Variants in RSRP1 observed in about 807,000 individuals in gnomAD.
RSRP1 encodes arginine and serine rich protein 1.
Under a neutral mutation model 33.0 loss-of-function variants are expected in RSRP1, and 37 were observed. The ratio of observed to expected loss-of-function variants is 1.12; its 90% CI spans 0.86 to 1.48. The LOEUF (loss-of-function observed/expected upper bound fraction) is 1.48, where lower values mean the gene tolerates loss of function less well. RSRP1 is among the 40% of genes most tolerant of loss of function. The probability of loss-of-function intolerance (pLI) is 0.00; values close to 1 mark genes in which losing one functional copy is unlikely to be tolerated. For missense variants in RSRP1, 402 were observed against 385.3 expected, an observed-to-expected ratio of 1.04 and a Z score of -0.36; for synonymous variants, 167 against 158.7, an observed-to-expected ratio of 1.05 and a Z score of -0.40.
rs112473736 is a variant in RSRP1, at chr1:25,290,554, A to AGAATGAATGAAT, written c.-66-43537_-66-43526dup. ...TAGGTGCCCAACAGTGTTTGTTGAA[A>AGAATGAATGAAT]GAATGAATGAATGAATGAATGAATG... On this transcript the variant is annotated intron_variant, in intron 1 of 1. Coordinates refer to the RSRP1 transcript ENST00000561867. 535 of 1,099,938 alleles carry AGAATGAATGAAT rather than the reference A, an allele frequency of 4.9e-4. 79 individuals carry two copies. In the African/African-American group the frequency reaches 5.5e-3, roughly 11 times the overall value. 68.1% of individuals were successfully genotyped at this position (1,099,938 alleles called of 1,614,324 possible).
rs187285534 is a variant in RSRP1 at position 25,247,310 on chromosome 1, G to A, written c.-68C>T. The A allele has an allele frequency of 1.1e-3, 301 of 272,428 alleles. 2 individuals carry two copies. Among genetic ancestry groups the A allele is most frequent in the East Asian group, 8.9e-3 (138 of 15,522 alleles). The allele number at this position is 272,428 out of a possible 1,614,324, so 16.9% of individuals were successfully genotyped here. A position where few individuals can be genotyped will look rare whatever the true frequency, so the allele number is the denominator to read the frequency against. On this transcript the variant is annotated splice_region_variant and 5_prime_UTR_variant, in exon 1 of 5. Coordinates refer to ENST00000243189, the MANE Select transcript of RSRP1 (RefSeq NM_020317.5). ...AGACCCCGTCAGCAGAAAACTTACC[G>A]CACGCCGTCGACGCCTCCCTCACGA...
chr1:25,298,034 C>T lies in RSRP1; in HGVS notation c.-67+39944G>A, dbSNP rs530416759. On this transcript the variant is annotated intron_variant, in intron 1 of 1. Coordinates refer to the RSRP1 transcript ENST00000561867. ...TTAGCGAAAAACGTGTCCCCTCCAC[C>T]CACCCATCCACCTCCACTTGTTCCT... is the stretch of plus-strand genomic sequence containing the variant. Among the ~76,000 whole-genome samples, 140 of 124,580 alleles carry T rather than the reference C, an allele frequency of 1.1e-3. 9 individuals carry two copies. The highest frequency in any genetic ancestry group is 0.011 in the Admixed American group (139 of 12,508). The allele number at this position is 124,580 out of a possible 152,430, so 81.7% of individuals were successfully genotyped here. A position where few individuals can be genotyped will look rare whatever the true frequency, so the allele number is the denominator to read the frequency against.
intron 1 of RSRP1, among the ~76,000 whole-genome samples, chr1:25,333,034 G>A (rs28622222): frequency 0.28 from 36,381 of 130,190 alleles, 10,431 homozygotes; most frequent in African/African-American, 0.34. Flanking sequence ...GGAAAGGCTG[G>A]TGTAGGTCCT....
Position 25,290,806 on chromosome 1 carries a change from T to C in RSRP1, c.-66-43777A>G, listed in dbSNP as rs202024797. 8.8e-5 allele frequency: 121 copies of C among 1,375,792 alleles called. 10 individuals carry two copies. In the African/African-American group the frequency reaches 1.4e-3, roughly 16 times the overall value. 85.2% of individuals were successfully genotyped at this position (1,375,792 alleles called of 1,614,324 possible). On this transcript the variant is annotated intron_variant, in intron 1 of 1. Coordinates refer to the RSRP1 transcript ENST00000561867. Reference sequence around the variant, plus strand: ...ATATCTTCAACGTGAGTCATGGTGCTGGGAGGAGGGACCTGGGAGAAAAGG... The same window carrying C: ...ATATCTTCAACGTGAGTCATGGTGCCGGGAGGAGGGACCTGGGAGAAAAGG...
At position 25,259,815 on chromosome 1, in the gene RSRP1, T is replaced by C. The variant is rs551447329; in HGVS notation, c.-66-12786A>G. Among the ~76,000 whole-genome samples the C allele has an allele frequency of 1.9e-4, 29 of 152,170 alleles. 1 individual carries two copies. In the South Asian group the frequency reaches 6.0e-3, roughly 32 times the overall value. On this transcript the variant is annotated intron_variant, in intron 1 of 1. Coordinates refer to the RSRP1 transcript ENST00000561867. ...CACCGTGCCCAGCCTATACTTCCCT[T>C]TTTGAATACCATTTGGCGTTTTGAA...
chr1:25,319,575 C>T (rs1287731662), intron 1 of RSRP1, among the ~76,000 whole-genome samples: 1 of 132,118 alleles, frequency 7.6e-6, no homozygotes, highest in Non-Finnish European at 1.8e-5. Context: ...TGCCACTGCA[C>T]TCCAGCCTGG....
chr1:25,249,811 A>C (rs570793635), upstream of RSRP1, among the ~76,000 whole-genome samples: 1 of 152,200 alleles, frequency 6.6e-6, no homozygotes, highest in African/African-American at 2.4e-5. Context: ...GCATCTATCC[A>C]CTCACCTAAT....
rs1339641584 is a variant in RSRP1, at chr1:25,270,600, C to T, written c.-66-23571G>A. On this transcript the variant is annotated intron_variant, in intron 1 of 1. Coordinates refer to the RSRP1 transcript ENST00000561867. ...TGGAAAAATTGTCTTTTACAAAACC[C>T]GTCCCTGGTGCCAAAAAGCTTGGGG... Among the ~76,000 whole-genome samples, 9 of 132,144 alleles carry T rather than the reference C, an allele frequency of 6.8e-5. 3 individuals carry two copies. The highest frequency in any genetic ancestry group is 5.2e-4 in the Admixed American group (7 of 13,586). 86.7% of individuals were successfully genotyped at this position (132,144 alleles called of 152,430 possible).
intron 1 of RSRP1, among the ~76,000 whole-genome samples, chr1:25,270,978 A>T (rs1409903011): frequency 7.7e-6 from 1 of 129,850 alleles, no homozygotes; most frequent in South Asian, 2.4e-4. Context: ...TATATTGTAC[A>T]TGCTGTTATA....
At position 25,312,678 on chromosome 1, in the gene RSRP1, A is replaced by C. The variant is rs991991363; in HGVS notation, c.-67+25300T>G. On this transcript the variant is annotated intron_variant, in intron 1 of 1. Coordinates refer to the RSRP1 transcript ENST00000561867. ...GGTGAGAGGATCACTTGAGCCCAGG[A>C]GTTTGAGGCTGCAGTGAGCTATGGT... is the stretch of plus-strand genomic sequence containing the variant. Among the ~76,000 whole-genome samples, 2 of 127,820 alleles carry C rather than the reference A, an allele frequency of 1.6e-5. 1 individual carries two copies. Among genetic ancestry groups the C allele is most frequent in the African/African-American group, 5.3e-5 (2 of 37,812 alleles). 83.9% of individuals were successfully genotyped at this position (127,820 alleles called of 152,430 possible).
Position 25,304,637 on chromosome 1 carries a change from A to G in RSRP1, c.-67+33341T>C, listed in dbSNP as rs1378697601. 5 of 131,232 alleles carry G rather than the reference A, an allele frequency of 3.8e-5. 2 individuals are homozygous for G. Among genetic ancestry groups the G allele is most frequent in the Non-Finnish European group, 9.0e-5 (5 of 55,708 alleles). 8.1% of individuals were successfully genotyped at this position (131,232 alleles called of 1,614,324 possible). ...TGGTTTATATACAGAGTGGAATATT[A>G]TTTAGCCATAAAAAGAATGAAATCC... On this transcript the variant is annotated intron_variant, in intron 1 of 1. Transcript: ENST00000561867.
chr1:25,307,106 C>G lies in RSRP1; in HGVS notation c.-67+30872G>C, dbSNP rs1229683570. Among the ~76,000 whole-genome samples, 4 of 132,670 alleles carry G rather than the reference C, an allele frequency of 3.0e-5. 1 individual carries two copies. Among genetic ancestry groups the G allele is most frequent in the African/African-American group, 1.0e-4 (4 of 38,548 alleles). The allele number at this position is 132,670 out of a possible 152,430, so 87.0% of individuals were successfully genotyped here. A position where few individuals can be genotyped will look rare whatever the true frequency, so the allele number is the denominator to read the frequency against. ...GTACTAGCTGGGCATGTGGCTTAAC[C>G]TTTCTCAGCCTCAGTCGCCCCATTG... is the stretch of plus-strand genomic sequence containing the variant. On this transcript the variant is annotated intron_variant, in intron 1 of 1. Coordinates refer to the RSRP1 transcript ENST00000561867.
At chr1:25,335,828 C>CT (rs1645068718) in intron 1 of RSRP1, 1 of 90,716 alleles carries the variant, frequency 1.1e-5, no homozygotes, top group Non-Finnish European at 2.7e-5. Context: ...CAGAGTCTCA[C>CT]CTGTTGCCTA....
chr1:25,270,451 A>G lies in RSRP1; in HGVS notation c.-66-23422T>C, dbSNP rs1640459294. On this transcript the variant is annotated intron_variant, in intron 1 of 1. Transcript: ENST00000561867. ...AGATTCTCATAGGGGCACAAACCCT[A>G]TTGGGAACCGCGCATGAGAGGGATC... Among the ~76,000 whole-genome samples, 3 of 131,080 alleles carry G rather than the reference A, an allele frequency of 2.3e-5. 1 individual carries two copies. The South Asian group carries it at 7.0e-4, about 30-fold the overall frequency. The allele number at this position is 131,080 out of a possible 152,430, so 86.0% of individuals were successfully genotyped here.
chr1:25,259,512 T>C (rs947125635), intron 1 of RSRP1, among the ~76,000 whole-genome samples: 10 of 149,372 alleles, frequency 6.7e-5, no homozygotes, highest in Non-Finnish European at 1.3e-4. Flanking sequence ...ATTTTTATAC[T>C]TTTTTTTTTG....
chr1:25,277,526 T>A (rs2124597266), intron 1 of RSRP1, among the ~76,000 whole-genome samples: 1 of 132,658 alleles, frequency 7.5e-6, no homozygotes, highest in South Asian at 2.3e-4. Flanking sequence ...CTGATTCAAA[T>A]CTTGCCTCTG....
intron 1 of RSRP1, chr1:25,300,877 A>C: frequency 7.4e-7 from 1 of 1,348,262 alleles, no homozygotes; most frequent in Admixed American, 1.8e-5. Flanking sequence ...AACTTTCTCC[A>C]AGGACTATCA....
At position 25,276,686 on chromosome 1, in the gene RSRP1, C is replaced by A. The variant is rs1427431474; in HGVS notation, c.-66-29657G>T. On this transcript the variant is annotated intron_variant, in intron 1 of 1. Coordinates refer to the RSRP1 transcript ENST00000561867. ...ACGGGATTGTACCACTTCACTCCAG[C>A]ATGGGCGACAGAGCAAGACCCTGTC... 1.5e-5 allele frequency among the ~76,000 whole-genome samples: 2 copies of A among 130,566 alleles called. 1 individual carries two copies. The highest frequency in any genetic ancestry group is 3.6e-5 in the Non-Finnish European group (2 of 55,502). The allele number at this position is 130,566 out of a possible 152,430, so 85.7% of individuals were successfully genotyped here. A position where few individuals can be genotyped will look rare whatever the true frequency, so the allele number is the denominator to read the frequency against.
At chr1:25,243,082 A>C (rs1209558101) in intron 4 of RSRP1, among the ~76,000 whole-genome samples, 1 of 152,100 alleles carries the variant, frequency 6.6e-6, no homozygotes, top group Admixed American at 6.6e-5. Context: ...CAACAGAGCA[A>C]GACTCTGTCT....
Sources: allele counts gnomAD v4.1 joint callset (sites outside exome capture counted in the v4.1 genomes callset), GRCh38; gene constraint gnomAD v4.1.1; transcripts MANE v1.5; gene names NCBI Gene and HGNC (gene_info 2026-07-23, HGNC 2026-07-21).